Variants in BTBD1 observed in about 807,000 individuals in gnomAD.
BTBD1 encodes BTB/POZ domain-containing protein 1.
A neutral mutation model predicts 48.0 loss-of-function variants in BTBD1; 34 were observed. The observed-to-expected ratio is 0.71, with a 90% CI of 0.54 to 0.94. The LOEUF is 0.94. BTBD1 is among the 40% of genes least tolerant of loss of function. BTBD1 has a pLI of 0.00. For missense variants in BTBD1, 543 were observed against 625.6 expected (o/e 0.87, Z 1.41); for synonymous variants, 261 against 242.1 (o/e 1.08, Z -0.72).
intron 1 of BTBD1, among the ~76,000 whole-genome samples, chr15:83,062,121 A>G (rs1011445674): frequency 6.6e-6 from 1 of 152,224 alleles, no homozygotes; most frequent in Non-Finnish European, 1.5e-5. Context: ...GAGGAGATGA[A>G]GAAAGAGAGA....
intron 3 of BTBD1, chr15:83,044,359 G>A (rs774128426): frequency 4.0e-5 from 60 of 1,485,484 alleles, no homozygotes; most frequent in Non-Finnish European, 5.0e-5. Flanking sequence ...CCGCCCGCCC[G>A]TGCCCACCAT....
At position 83,067,052 on chromosome 15, in the gene BTBD1, G is replaced by A. The variant is rs766900772; in HGVS notation, c.100C>T (p.Leu34=). The change falls in exon 1 of 8, where the codon CTG becomes TTG. Residue 34 remains leucine, a synonymous_variant. Coordinates refer to ENST00000261721, the MANE Select transcript of BTBD1 (RefSeq NM_025238.4). The part of the protein sequence containing the change: ...GPPPPPSPSS[L]GPLLPLQREP... ...CGCTGCAGGGGGAGCAGGGGCCCCA[G>A]AGAGGACGGTGAGGGCGGCGGCGGC... The A allele has an allele frequency of 3.2e-6, 5 of 1,579,004 alleles. No individual in the cohort carries two copies. In the African/African-American group the frequency reaches 4.2e-5, roughly 13 times the overall value.
intron 4 of BTBD1, among the ~76,000 whole-genome samples, chr15:83,034,877 TA>T (rs1231675913): frequency 6.6e-6 from 1 of 152,194 alleles, no homozygotes; most frequent in African/African-American, 2.4e-5. Flanking sequence ...TGAAGATCAT[TA>T]GTATATATTC....
intron 5 of BTBD1, among the ~76,000 whole-genome samples, chr15:83,025,357 CAAAAAA>C (rs767479917): frequency 1.6e-5 from 1 of 64,176 alleles, no homozygotes; most frequent in Non-Finnish European, 2.9e-5. Flanking sequence ...GACTCCATCA[CAAAAAA>C]AAAAAAAAAA....
intron 4 of BTBD1, among the ~76,000 whole-genome samples, chr15:83,037,044 A>T (rs28510490): frequency 0.065 from 9,875 of 152,068 alleles, 350 homozygotes; most frequent in Middle Eastern, 0.1. Context: ...AAGTTTATTT[A>T]AAAAAAACCC....
At chr15:83,029,445 A>T (rs2032474169) in intron 5 of BTBD1, 1 of 152,120 alleles carries the variant, frequency 6.6e-6, no homozygotes, top group Non-Finnish European at 1.5e-5. Context: ...TCCCTGCAAC[A>T]TCTATGCAAA....
At chr15:83,045,829 T>G (rs969637811) in intron 3 of BTBD1, among the ~76,000 whole-genome samples, 3 of 152,114 alleles carry the variant, frequency 2.0e-5, no homozygotes, top group Non-Finnish European at 4.4e-5. Flanking sequence ...ATGTCTCCAC[T>G]TGGTATGCTA....
At chr15:83,059,751 T>TC (rs950274245) in intron 1 of BTBD1, among the ~76,000 whole-genome samples, 2 of 151,924 alleles carry the variant, frequency 1.3e-5, no homozygotes, top group African/African-American at 4.8e-5. Context: ...CTCAGCTCAT[T>TC]TTTTTTTATG....
At chr15:83,038,097 A>C (rs1224155301) in intron 4 of BTBD1, among the ~76,000 whole-genome samples, 1 of 152,142 alleles carries the variant, frequency 6.6e-6, no homozygotes, top group Admixed American at 6.6e-5. Context: ...AAAAAATAAA[A>C]AAAGTTCCAC....
At chr15:83,036,621 G>A (rs1032095145) in intron 4 of BTBD1, among the ~76,000 whole-genome samples, 28 of 152,044 alleles carry the variant, frequency 1.8e-4, no homozygotes, top group African/African-American at 6.5e-4. Flanking sequence ...CAAATCACAC[G>A]TACAAGAATG....
chr15:83,040,985 A>C (rs2032744305), intron 4 of BTBD1, among the ~76,000 whole-genome samples: 1 of 151,660 alleles, frequency 6.6e-6, no homozygotes, highest in African/African-American at 2.4e-5. Context: ...TCCTGTCTCT[A>C]TAAAAAAAAT....
intron 3 of BTBD1, chr15:83,044,321 A>C: frequency 9.3e-7 from 1 of 1,069,958 alleles, no homozygotes; most frequent in East Asian, 2.6e-5. Context: ...CAAGCTGCCC[A>C]CGCCGACGGC....
At chr15:83,048,131 A>G (rs898645190) in intron 3 of BTBD1, among the ~76,000 whole-genome samples, 7 of 152,214 alleles carry the variant, frequency 4.6e-5, no homozygotes, top group Non-Finnish European at 8.8e-5. Context: ...AAGTAGAGCC[A>G]TGAGCACCTG....
intron 4 of BTBD1, 99 bp from the exon 5 acceptor site, chr15:83,030,427 T>C: frequency 2.0e-6 from 2 of 979,338 alleles, no homozygotes; most frequent in Non-Finnish European, 3.1e-6. Context: ...GGACGTAACA[T>C]AAAAATAGGG....
chr15:83,041,587 G>T, intron 4 of BTBD1, 141 bp downstream of exon 4: 1 of 700,350 alleles, frequency 1.4e-6, no homozygotes, highest in Non-Finnish European at 2.5e-6. Context: ...TGACAAGGCT[G>T]GTGTCGAACT....
chr15:83,028,026 T>C (rs2032445177), intron 5 of BTBD1, among the ~76,000 whole-genome samples: 1 of 152,250 alleles, frequency 6.6e-6, no homozygotes, highest in Non-Finnish European at 1.5e-5. Context: ...ATATTATCTA[T>C]GAATTTTATT....
intron 4 of BTBD1, among the ~76,000 whole-genome samples, chr15:83,030,993 T>C (rs181527909): frequency 6.6e-6 from 1 of 152,262 alleles, no homozygotes; most frequent in East Asian, 1.9e-4. Flanking sequence ...TACATACGTG[T>C]GCATGTGTCT....
At chr15:83,043,903 C>G (rs12910117) in intron 3 of BTBD1, among the ~76,000 whole-genome samples, 6,318 of 152,212 alleles carry the variant, frequency 0.042, 204 homozygotes, top group Non-Finnish European at 0.063. Flanking sequence ...CACTCAGAAC[C>G]CTTTTCCTCT....
At chr15:83,019,895 G>A (rs960049167) in intron 6 of BTBD1, among the ~76,000 whole-genome samples, 18 of 146,832 alleles carry the variant, frequency 1.2e-4, no homozygotes, top group African/African-American at 4.3e-4. Context: ...GTGTGAACCC[G>A]GGAGGCGGAG....
Sources: gnomAD v4.1 joint callset for allele counts (sites outside exome capture counted in the v4.1 genomes callset) on GRCh38, gnomAD v4.1.1 for gene constraint, MANE v1.5 for transcripts, NCBI Gene and HGNC (gene_info 2026-07-23, HGNC 2026-07-21) for gene names.